TENM2: variants seen among roughly 807,000 people sequenced by gnomAD.
TENM2 encodes teneurin transmembrane protein 2.
TENM2 carries 52 observed loss-of-function variants against 245.2 expected under a neutral mutation model. The ratio of observed to expected loss-of-function variants is 0.21; its 90% CI spans 0.17 to 0.27. The LOEUF (loss-of-function observed/expected upper bound fraction) is 0.27, where lower values mean the gene tolerates loss of function less well. TENM2 is among the 10% of genes least tolerant of loss of function. The pLI is 1.00. For synonymous variants in TENM2, 1,363 were observed against 1,438.9 expected (o/e 0.95, Z 1.19); for missense variants, 3,046 against 3,666.8 (o/e 0.83, Z 4.37).
At chr5:167,289,440 G>C (rs1352522357) in intron 1 of TENM2, among the ~76,000 whole-genome samples, 1 of 152,166 alleles carries the variant, frequency 6.6e-6, no homozygotes, top group Non-Finnish European at 1.5e-5. Flanking sequence ...CAGGCTGGCT[G>C]TCTAGGTCAA....
chr5:167,030,213 C>T, the TENM2 span, among the ~76,000 whole-genome samples: 5 of 152,178 alleles, frequency 3.3e-5, no homozygotes, highest in African/African-American at 1.2e-4. Flanking sequence ...AACACTCACA[C>T]TTCTCCTTAG....
chr5:168,005,306 C>A (rs1784736433), intron 5 of TENM2, among the ~76,000 whole-genome samples: 1 of 152,170 alleles, frequency 6.6e-6, no homozygotes, highest in Admixed American at 6.5e-5. Flanking sequence ...ATTTCTTAAA[C>A]AAGCTGTGGA....
At chr5:167,406,872 C>T (rs1282894744) in intron 2 of TENM2, among the ~76,000 whole-genome samples, 1 of 152,022 alleles carries the variant, frequency 6.6e-6, no homozygotes, top group Non-Finnish European at 1.5e-5. Context: ...ATTTTAATTA[C>T]CAGGCCACTG....
At chr5:167,721,194 C>T (rs1219555640) in intron 2 of TENM2, among the ~76,000 whole-genome samples, 1 of 151,826 alleles carries the variant, frequency 6.6e-6, no homozygotes, top group Non-Finnish European at 1.5e-5. Context: ...GCAGAGAAGT[C>T]AGTGAATAGA....
At chr5:167,191,257 A>C in the TENM2 span, among the ~76,000 whole-genome samples, 1 of 152,078 alleles carries the variant, frequency 6.6e-6, no homozygotes, top group East Asian at 1.9e-4. Context: ...TGTTATCCAC[A>C]AAATAATATT....
intron 1 of TENM2, among the ~76,000 whole-genome samples, chr5:167,326,706 T>A (rs968047606): frequency 1.1e-3 from 165 of 145,900 alleles, no homozygotes; most frequent in East Asian, 4.2e-3. Flanking sequence ...TAAATAAATA[T>A]ATATATATAT....
chr5:168,115,994 C>T (rs1001388449), intron 9 of TENM2, among the ~76,000 whole-genome samples: 8 of 152,184 alleles, frequency 5.3e-5, no homozygotes, highest in African/African-American at 1.4e-4. Flanking sequence ...TCAGGAGGAA[C>T]TGGCATGGAA....
At chr5:166,998,271 C>A in the TENM2 span, among the ~76,000 whole-genome samples, 2 of 152,054 alleles carry the variant, frequency 1.3e-5, no homozygotes, top group Non-Finnish European at 2.9e-5. Flanking sequence ...GGTGAGTGAT[C>A]CAATCAGGAG....
chr5:168,047,420 C>T lies in TENM2; in HGVS notation c.1187-7C>T, dbSNP rs1408791640. On this transcript the variant is annotated splice_polypyrimidine_tract_variant and splice_region_variant and intron_variant, in intron 5 of 28. Transcript: ENST00000518659. ...TTCATATTTTCATTACTTTGTCTCT[C>T]CTGCAGCAATGCATCTGCTCGGACT... 6 of 1,551,708 alleles carry T rather than the reference C, an allele frequency of 3.9e-6. No individual in the cohort carries two copies. The highest frequency in any genetic ancestry group is 4.9e-5 in the East Asian group (2 of 40,924).
the TENM2 span, among the ~76,000 whole-genome samples, chr5:167,213,590 TG>T: frequency 6.6e-6 from 1 of 152,150 alleles, no homozygotes; most frequent in African/African-American, 2.4e-5. Flanking sequence ...CTGTCATTCA[TG>T]TTGAAAAATG....
rs1489601790 is a variant in TENM2 at position 168,190,553 on chromosome 5, C to G, written c.2780+6C>G. On this transcript the variant is annotated splice_donor_region_variant and intron_variant, in intron 14 of 28. Coordinates refer to ENST00000518659, the Ensembl canonical transcript of TENM2. Reference sequence around the variant, plus strand: ...GAGAACCCTTTCAACAGCAGGTAGGCACCCTCTGTCCCTGCAAACTCCTGA... The same window carrying G: ...GAGAACCCTTTCAACAGCAGGTAGGGACCCTCTGTCCCTGCAAACTCCTGA... 1 of 1,609,470 alleles carries G rather than the reference C, an allele frequency of 6.2e-7. No homozygotes were observed. The highest frequency in any genetic ancestry group is 8.5e-7 in the Non-Finnish European group (1 of 1,176,222).
intron 12 of TENM2, among the ~76,000 whole-genome samples, chr5:168,155,271 A>T (rs553674796): frequency 7.2e-5 from 11 of 152,300 alleles, no homozygotes; most frequent in Non-Finnish European, 1.6e-4. Context: ...TCTGGAATGT[A>T]ATGGCAGACT....
chr5:168,055,685 G>C (rs745472490), intron 6 of TENM2, among the ~76,000 whole-genome samples: 1 of 151,880 alleles, frequency 6.6e-6, no homozygotes, highest in South Asian at 2.1e-4. Flanking sequence ...TTCACCCCCC[G>C]CAACTGAAAA....
intron 12 of TENM2, among the ~76,000 whole-genome samples, chr5:168,141,318 A>G (rs1027477386): frequency 3.9e-5 from 6 of 152,224 alleles, no homozygotes; most frequent in African/African-American, 1.2e-4. Flanking sequence ...TACTATAATC[A>G]TTCACATTCT....
the TENM2 span, among the ~76,000 whole-genome samples, chr5:167,117,692 GT>G: frequency 5.3e-5 from 8 of 152,062 alleles, no homozygotes; most frequent in African/African-American, 1.9e-4. Flanking sequence ...TTTAAAGCAG[GT>G]TTTCTCAACA....
At chr5:167,577,030 A>G (rs1774741904) in intron 2 of TENM2, among the ~76,000 whole-genome samples, 1 of 152,228 alleles carries the variant, frequency 6.6e-6, no homozygotes, top group Admixed American at 6.5e-5. Context: ...GAGAGCAAAC[A>G]TAAGCACTAG....
chr5:167,474,168 TGAA>T (rs1163181176), intron 2 of TENM2, among the ~76,000 whole-genome samples: 1 of 152,198 alleles, frequency 6.6e-6, no homozygotes, highest in African/African-American at 2.4e-5. Context: ...GAGATGTAGA[TGAA>T]GTTGTCAAGT....
At chr5:167,942,049 A>G (rs570113233) in intron 3 of TENM2, among the ~76,000 whole-genome samples, 1 of 152,172 alleles carries the variant, frequency 6.6e-6, no homozygotes, top group African/African-American at 2.4e-5. Context: ...CTCTACTAAA[A>G]ATACAAAAAT....
intron 2 of TENM2, among the ~76,000 whole-genome samples, chr5:167,683,377 TC>T (rs1363871056): frequency 6.6e-6 from 1 of 152,126 alleles, no homozygotes; most frequent in African/African-American, 2.4e-5. Context: ...ATGTCATCCT[TC>T]CCCCGGTTGC....
Sources: gnomAD v4.1 joint callset for allele counts (sites outside exome capture counted in the v4.1 genomes callset) on GRCh38, gnomAD v4.1.1 for gene constraint, MANE v1.5 for transcripts, NCBI Gene and HGNC (gene_info 2026-07-23, HGNC 2026-07-21) for gene names.